Variants in EXT1 observed in about 807,000 individuals in gnomAD.
The protein encoded by EXT1 is exostosin glycosyltransferase 1.
EXT1 carries 20 observed loss-of-function variants against 82.5 expected under a neutral mutation model. The ratio of observed to expected loss-of-function variants is 0.24; its 90% confidence interval spans 0.17 to 0.35. The LOEUF is 0.35. EXT1 is among the 10% of genes least tolerant of loss of function. The pLI is 1.00. For missense variants in EXT1, 757 were observed against 936.5 expected (o/e 0.81, Z 2.50); for synonymous variants, 348 against 350.8 (o/e 0.99, Z 0.09).
chr8:117,801,079 A>G (rs975231253), intron 10 of EXT1, among the ~76,000 whole-genome samples: 3 of 152,262 alleles, frequency 2.0e-5, no homozygotes, highest in Admixed American at 1.3e-4. Flanking sequence ...GGGAAGATAC[A>G]TTTTAGTGTG....
At chr8:118,034,224 A>G (rs1816382217) in intron 1 of EXT1, among the ~76,000 whole-genome samples, 1 of 152,178 alleles carries the variant, frequency 6.6e-6, no homozygotes, top group African/African-American at 2.4e-5. Flanking sequence ...GAAGTGACCT[A>G]CTTTAATTTT....
intron 1 of EXT1, among the ~76,000 whole-genome samples, chr8:117,867,000 C>A (rs1563585006): frequency 6.6e-6 from 1 of 152,046 alleles, no homozygotes; most frequent in African/African-American, 2.4e-5. Context: ...GTGGCTCACG[C>A]CTGTAATCCC....
intron 1 of EXT1, among the ~76,000 whole-genome samples, chr8:117,975,343 T>C (rs1283612086): frequency 6.6e-6 from 1 of 152,148 alleles, no homozygotes; most frequent in Non-Finnish European, 1.5e-5. Flanking sequence ...CAGAAATGTA[T>C]ATGGCAATAA....
chr8:117,900,713 C>T (rs563394236), intron 1 of EXT1, among the ~76,000 whole-genome samples: 1 of 152,356 alleles, frequency 6.6e-6, no homozygotes, highest in South Asian at 2.1e-4. Context: ...ATAGCACAGG[C>T]TGCTGTTCCT....
At chr8:118,057,427 C>T (rs749848076) in intron 1 of EXT1, among the ~76,000 whole-genome samples, 12 of 151,840 alleles carry the variant, frequency 7.9e-5, no homozygotes, top group Non-Finnish European at 1.0e-4. Context: ...ATAATCCCAG[C>T]GACTCAGAGG....
intron 1 of EXT1, among the ~76,000 whole-genome samples, chr8:118,070,298 C>T (rs900308523): frequency 1.4e-5 from 2 of 142,796 alleles, no homozygotes; most frequent in Non-Finnish European, 3.0e-5. Flanking sequence ...TGAATGCATG[C>T]ATACACATAT....
chr8:117,886,897 A>C (rs1813155632), intron 1 of EXT1, among the ~76,000 whole-genome samples: 1 of 152,236 alleles, frequency 6.6e-6, no homozygotes. Context: ...GATTTAAAAA[A>C]AGAAAAAAAG....
intron 6 of EXT1, among the ~76,000 whole-genome samples, chr8:117,818,738 G>T (rs2129737738): frequency 6.6e-6 from 1 of 152,250 alleles, no homozygotes; most frequent in African/African-American, 2.4e-5. Flanking sequence ...AGAGAGGACA[G>T]AAAGAGCAAA....
intron 1 of EXT1, among the ~76,000 whole-genome samples, chr8:117,885,207 T>A (rs1813125411): frequency 6.6e-6 from 1 of 152,204 alleles, no homozygotes; most frequent in Admixed American, 6.5e-5. Flanking sequence ...ACAGAAAGTA[T>A]TAGGTACTAA....
At chr8:117,897,591 C>CTCTTTTTTTTTTTTTTTTTT (rs775608794) in intron 1 of EXT1, among the ~76,000 whole-genome samples, 1 of 90,654 alleles carries the variant, frequency 1.1e-5, no homozygotes, top group African/African-American at 4.4e-5. Flanking sequence ...CTTCTTTTCT[C>CTCTTTTTTTTTTTTTTTTTT]TTTTTTTTTT....
At chr8:117,994,294 CA>C (rs893920477) in intron 1 of EXT1, among the ~76,000 whole-genome samples, 4 of 152,158 alleles carry the variant, frequency 2.6e-5, no homozygotes, top group Admixed American at 1.3e-4. Context: ...GTAAAGGCAG[CA>C]GATTTGGAAA....
At chr8:118,080,215 T>G (rs1340135716) in intron 1 of EXT1, among the ~76,000 whole-genome samples, 5 of 152,238 alleles carry the variant, frequency 3.3e-5, no homozygotes, top group Non-Finnish European at 7.3e-5. Flanking sequence ...TTTTCTGAGT[T>G]GTTCAGCTGA....
Position 117,796,858 on chromosome 8 carries a change from TATAA to T in EXT1, c.*2850_*2853del, listed in dbSNP as rs1254366356. ...AGCTTTGATATTTATAACACTTTCA[TATAA>T]ATAAATACACAGCCAGCTTTTAAAA... is the stretch of plus-strand genomic sequence containing the variant. On this transcript the variant is annotated 3_prime_UTR_variant, in exon 11 of 11. Transcript: ENST00000378204. 1 of 152,236 alleles carries T rather than the reference TATAA, an allele frequency of 6.6e-6. No homozygotes were observed. The highest frequency in any genetic ancestry group is 1.5e-5 in the Non-Finnish European group (1 of 68,042). 9.4% of individuals were successfully genotyped at this position (152,236 alleles called of 1,614,324 possible). A position where few individuals can be genotyped will look rare whatever the true frequency, so the allele number is the denominator to read the frequency against.
intron 1 of EXT1, among the ~76,000 whole-genome samples, chr8:117,998,200 G>A (rs1269081150): frequency 6.6e-6 from 1 of 151,956 alleles, no homozygotes; most frequent in Non-Finnish European, 1.5e-5. Context: ...TTTTAATAGA[G>A]ACGGGATTTC....
chr8:117,881,975 GA>G (rs1440051903), intron 1 of EXT1, among the ~76,000 whole-genome samples: 5 of 152,122 alleles, frequency 3.3e-5, no homozygotes, highest in African/African-American at 4.8e-5. Context: ...GAAATACTAC[GA>G]AAAAGTCAAG....
chr8:117,977,955 G>A (rs1332635675), intron 1 of EXT1, among the ~76,000 whole-genome samples: 2 of 152,254 alleles, frequency 1.3e-5, no homozygotes, highest in Non-Finnish European at 2.9e-5. Flanking sequence ...GAAACACACA[G>A]TGCTAATGCA....
At chr8:117,831,173 A>G (rs1010068950) in intron 3 of EXT1, among the ~76,000 whole-genome samples, 10 of 152,340 alleles carry the variant, frequency 6.6e-5, no homozygotes, top group Middle Eastern at 3.4e-3. Flanking sequence ...CACAGAAGTC[A>G]GAAAGATCAA....
intron 1 of EXT1, among the ~76,000 whole-genome samples, chr8:118,065,376 T>C (rs1236045616): frequency 6.6e-6 from 1 of 152,156 alleles, no homozygotes; most frequent in African/African-American, 2.4e-5. Context: ...TTTCAGAGAC[T>C]CTGAAGTGGA....
intron 1 of EXT1, among the ~76,000 whole-genome samples, chr8:117,852,311 A>G (rs972522089): frequency 7.9e-5 from 12 of 152,172 alleles, no homozygotes; most frequent in African/African-American, 2.9e-4. Context: ...ACCACTATGA[A>G]ATGCAAGGGA....
Sources: gnomAD v4.1 joint callset for allele counts (sites outside exome capture counted in the v4.1 genomes callset) on GRCh38, gnomAD v4.1.1 for gene constraint, MANE v1.5 for transcripts, NCBI Gene and HGNC (gene_info 2026-07-23, HGNC 2026-07-21) for gene names.